GPC5: variants seen among roughly 807,000 people sequenced by gnomAD.
GPC5 encodes the protein glypican-5.
In GPC5, 47 loss-of-function variants were observed where a neutral mutation model predicts 53.9. The ratio of observed to expected loss-of-function variants is 0.87; its 90% CI spans 0.69 to 1.11. The LOEUF (loss-of-function observed/expected upper bound fraction) is 1.11. GPC5 is among the 50% of genes most tolerant of loss of function. The probability of loss-of-function intolerance (pLI) is 0.00; values close to 1 mark genes in which losing one functional copy is unlikely to be tolerated. For missense variants in GPC5, 748 were observed against 713.1 expected, an observed-to-expected ratio of 1.05 and a Z score of -0.56; for synonymous variants, 286 against 263.3, an observed-to-expected ratio of 1.09 and a Z score of -0.84.
At chr13:92,663,893 TATATATATATAC>T (rs1255188026) in intron 7 of GPC5, among the ~76,000 whole-genome samples, 1 of 21,128 alleles carries the variant, frequency 4.7e-5, no homozygotes, top group African/African-American at 8.8e-5. Context: ...TATATATATA[TATATATATATAC>T]ACACACACAC....
At chr13:91,991,991 A>G (rs1733585918) in intron 6 of GPC5, among the ~76,000 whole-genome samples, 1 of 152,166 alleles carries the variant, frequency 6.6e-6, no homozygotes, top group Admixed American at 6.5e-5. Context: ...ATAGAATTTT[A>G]TGGTACATGT....
At chr13:91,613,170 T>A (rs948237942) in intron 2 of GPC5, among the ~76,000 whole-genome samples, 3 of 152,210 alleles carry the variant, frequency 2.0e-5, no homozygotes, top group African/African-American at 7.2e-5. Flanking sequence ...CAGATTGTTT[T>A]ATTCCGTGTT....
At chr13:91,696,786 T>G (rs561754770) in intron 3 of GPC5, among the ~76,000 whole-genome samples, 50 of 152,220 alleles carry the variant, frequency 3.3e-4, no homozygotes, top group Non-Finnish European at 6.8e-4. Context: ...GAAACAAAAG[T>G]TAATTTACAA....
At chr13:92,451,520 C>A (rs763297567) in intron 7 of GPC5, among the ~76,000 whole-genome samples, 1 of 151,356 alleles carries the variant, frequency 6.6e-6, no homozygotes, top group African/African-American at 2.4e-5. Context: ...TAGTGCCATG[C>A]AAGATAGGAA....
Position 92,150,875 on chromosome 13 carries a change from T to C in GPC5, c.1561+5886T>C, listed in dbSNP as rs1381911405. 6.9e-5 allele frequency among the ~76,000 whole-genome samples: 10 copies of C among 144,584 alleles called. No individual in the cohort carries two copies. In the East Asian group the frequency reaches 2.1e-3, roughly 30 times the overall value. 94.9% of individuals were successfully genotyped at this position (144,584 alleles called of 152,430 possible). On this transcript the variant is annotated intron_variant, in intron 7 of 7. Coordinates refer to ENST00000377067, the MANE Select transcript of GPC5 (RefSeq NM_004466.6). ...CAACACAATGCTAAGTGTAACTATA[T>C]GATCAATAGAGGAAGTAAAAAAAAA...
intron 7 of GPC5, among the ~76,000 whole-genome samples, chr13:92,769,565 C>CACCTCACCCCTGTCTCTATTTTA (rs1875535167): frequency 6.6e-6 from 1 of 152,078 alleles, no homozygotes; most frequent in Admixed American, 6.6e-5. Flanking sequence ...TGGTGAGCTC[C>CACCTCACCCCTGTCTCTATTTTA]ACCTCACCCC....
chr13:92,058,890 A>G (rs776933206), intron 6 of GPC5, among the ~76,000 whole-genome samples: 74 of 152,134 alleles, frequency 4.9e-4, no homozygotes, highest in Non-Finnish European at 8.5e-4. Flanking sequence ...ATTGGAGCAA[A>G]TGTTAAGGTC....
intron 7 of GPC5, among the ~76,000 whole-genome samples, chr13:92,648,683 T>C (rs1006463868): frequency 6.6e-6 from 1 of 152,298 alleles, no homozygotes; most frequent in South Asian, 2.1e-4. Context: ...CTTTAATATA[T>C]TTAATAGAAC....
chr13:91,951,090 G>A (rs1355877492), intron 6 of GPC5, among the ~76,000 whole-genome samples: 1 of 152,138 alleles, frequency 6.6e-6, no homozygotes, highest in Non-Finnish European at 1.5e-5. Flanking sequence ...CTCCTTGAGA[G>A]TGATTGAATT....
intron 7 of GPC5, among the ~76,000 whole-genome samples, chr13:92,733,201 A>G (rs557312874): frequency 6.6e-4 from 100 of 151,836 alleles, no homozygotes; most frequent in Admixed American, 1.4e-3. Flanking sequence ...ACAATATATT[A>G]TTTTTGAGCC....
intron 2 of GPC5, among the ~76,000 whole-genome samples, chr13:91,482,632 C>A (rs1031050127): frequency 1.3e-5 from 2 of 152,158 alleles, no homozygotes; most frequent in African/African-American, 2.4e-5. Context: ...AGCAGGAGAA[C>A]CAGTGCCTTA....
intron 2 of GPC5, among the ~76,000 whole-genome samples, chr13:91,562,152 C>T (rs1192077639): frequency 1.1e-5 from 1 of 93,174 alleles, no homozygotes; most frequent in African/African-American, 4.1e-5. Context: ...ACCCCTTAAA[C>T]CAAACATGTT....
At chr13:92,057,608 A>G (rs2041086319) in intron 6 of GPC5, among the ~76,000 whole-genome samples, 1 of 152,152 alleles carries the variant, frequency 6.6e-6, no homozygotes, top group Non-Finnish European at 1.5e-5. Flanking sequence ...TGAAATGTCA[A>G]TATGATACAG....
intron 4 of GPC5, among the ~76,000 whole-genome samples, chr13:91,740,444 T>C (rs1169010943): frequency 1.3e-5 from 2 of 152,188 alleles, no homozygotes; most frequent in African/African-American, 4.8e-5. Flanking sequence ...TGGATAAGAG[T>C]TGTGCTAAGC....
intron 2 of GPC5, among the ~76,000 whole-genome samples, chr13:91,538,307 T>C (rs1034965076): frequency 5.3e-5 from 8 of 152,338 alleles, no homozygotes; most frequent in Middle Eastern, 3.4e-3. Flanking sequence ...AGGAGACTTT[T>C]ATCCCAATTG....
At chr13:92,787,065 G>T (rs1265596923) in intron 7 of GPC5, among the ~76,000 whole-genome samples, 1 of 152,138 alleles carries the variant, frequency 6.6e-6, no homozygotes, top group African/African-American at 2.4e-5. Context: ...GCAAGTAGAA[G>T]GGCCTTCATT....
At chr13:91,771,681 A>G (rs2037627525) in intron 5 of GPC5, among the ~76,000 whole-genome samples, 1 of 152,160 alleles carries the variant, frequency 6.6e-6, no homozygotes, top group Non-Finnish European at 1.5e-5. Context: ...TTATATTTCT[A>G]TGTGCTTCCG....
At chr13:92,833,496 A>G (rs1878120202) in intron 7 of GPC5, among the ~76,000 whole-genome samples, 1 of 152,172 alleles carries the variant, frequency 6.6e-6, no homozygotes, top group Non-Finnish European at 1.5e-5. Context: ...TCACTTGTTC[A>G]TTAATGCATT....
chr13:92,432,798 A>G (rs1004292568), intron 7 of GPC5, among the ~76,000 whole-genome samples: 2 of 152,076 alleles, frequency 1.3e-5, no homozygotes, highest in African/African-American at 2.4e-5. Context: ...TAAGATTCCA[A>G]TTAACCTCTA....
Sources: gnomAD v4.1 joint callset for allele counts (sites outside exome capture counted in the v4.1 genomes callset) on GRCh38, gnomAD v4.1.1 for gene constraint, MANE v1.5 for transcripts, NCBI Gene and HGNC (gene_info 2026-07-23, HGNC 2026-07-21) for gene names.